The following RGS12 variants were observed in gnomAD, a reference collection of about 807,000 sequenced individuals.
RGS12 encodes the protein regulator of G-protein signaling 12.
RGS12 carries 66 observed loss-of-function variants against 120.1 expected under a neutral mutation model. The observed-to-expected ratio is 0.55, with a 90% CI of 0.45 to 0.67. The LOEUF (loss-of-function observed/expected upper bound fraction) is 0.67. Ranked by LOEUF, RGS12 falls within the 30% of genes least tolerant of loss-of-function variation. RGS12 has a pLI of 0.00. For synonymous variants in RGS12, 827 were observed against 804.7 expected, an observed-to-expected ratio of 1.03 and a Z score of -0.47; for missense variants, 1,859 against 1,957.7, an observed-to-expected ratio of 0.95 and a Z score of 0.95.
intron 2 of RGS12, among the ~76,000 whole-genome samples, chr4:3,318,968 A>G (rs1480947171): frequency 2.6e-5 from 4 of 152,178 alleles, no homozygotes; most frequent in Non-Finnish European, 5.9e-5. Flanking sequence ...ACACCTTTTT[A>G]GTGTTTGTTC....
At position 3,386,399 on chromosome 4, in the gene RGS12, T is replaced by C. The variant is rs1470031928; in HGVS notation, c.1999-17T>C. 1.2e-6 allele frequency: 2 copies of C among 1,611,162 alleles called. No individual in the cohort carries two copies. Among genetic ancestry groups the C allele is most frequent in the Admixed American group, 3.3e-5 (2 of 60,020 alleles). On this transcript the variant is annotated splice_polypyrimidine_tract_variant and intron_variant, in intron 3 of 17. Transcript: ENST00000336727. ...ATGAGGCTTAATTAACTCATGTCTCTCTCTCTTTTCTTTCAGTCTGCAACT... is the reference window on the plus strand; with the variant it reads ...ATGAGGCTTAATTAACTCATGTCTCCCTCTCTTTTCTTTCAGTCTGCAACT...
intron 2 of RGS12, among the ~76,000 whole-genome samples, chr4:3,340,773 G>GGTGCAGGCCA (rs1553802011): frequency 2.6e-5 from 4 of 151,732 alleles, no homozygotes; most frequent in Non-Finnish European, 5.9e-5. Context: ...GGTGCAGGCC[G>GGTGCAGGCCA]GTGCAGGCCA....
chr4:3,328,241 G>T (rs1191192148), intron 2 of RGS12, among the ~76,000 whole-genome samples: 1 of 152,182 alleles, frequency 6.6e-6, no homozygotes, highest in Non-Finnish European at 1.5e-5. Flanking sequence ...ACTTGGAAAG[G>T]TGAGGGGTGG....
At chr4:3,327,591 G>T (rs1001938694) in intron 2 of RGS12, among the ~76,000 whole-genome samples, 1 of 152,098 alleles carries the variant, frequency 6.6e-6, no homozygotes, top group Non-Finnish European at 1.5e-5. Flanking sequence ...ACAAAATAAC[G>T]CCATTAAAAA....
intron 17 of RGS12, chr4:3,431,169 G>T: frequency 7.1e-7 from 1 of 1,412,200 alleles, no homozygotes; most frequent in Non-Finnish European, 9.2e-7. Context: ...TCCCCCCGAG[G>T]CGCTCTGGGC....
intron 4 of RGS12, among the ~76,000 whole-genome samples, chr4:3,388,195 AGAGGAGGAGACGGGAGG>A (rs6148279): frequency 0.034 from 5,084 of 149,980 alleles, 287 homozygotes; most frequent in African/African-American, 0.12. Context: ...CCCCAGTCAC[AGAGGAGGAGACGGGAGG>A]GAGGAGGAGA....
rs776099663 is a variant in RGS12 at position 3,316,792 on chromosome 4, G to A, written c.622G>A (p.Val208Ile). 12 of 1,614,180 alleles carry A rather than the reference G, an allele frequency of 7.4e-6. No individual in the cohort carries two copies. Among genetic ancestry groups the A allele is most frequent in the South Asian group, 2.2e-5 (2 of 91,086 alleles). ...ATCAAAAGTTATTCATGATGATTCGGTTTTCAGCATTGGACTAGAAAGTCA... is the reference window on the plus strand; with the variant it reads ...ATCAAAAGTTATTCATGATGATTCGATTTTCAGCATTGGACTAGAAAGTCA... ...EISKVIHDDS[V>I]FSIGLESHDD... The change falls in exon 2 of 18, where the codon GTT becomes ATT. Residue 208 changes from valine to isoleucine, a missense_variant. By Grantham distance (29) the Val-to-Ile change is conservative (BLOSUM62 3). This residue lies in a region of RGS12 where 967 missense variants were observed against 994.2 expected (regional missense o/e 0.97). Transcript: ENST00000336727.
chr4:3,307,143 A>G (rs1335695126), intron 1 of RGS12, among the ~76,000 whole-genome samples: 3 of 152,142 alleles, frequency 2.0e-5, no homozygotes, highest in Non-Finnish European at 2.9e-5. Context: ...TAGGAGCTTT[A>G]TGGGATGTGT....
At chr4:3,432,563 G>T (rs1724419775) in intron 17 of RGS12, among the ~76,000 whole-genome samples, 1 of 152,254 alleles carries the variant, frequency 6.6e-6, no homozygotes, top group Admixed American at 6.5e-5. Flanking sequence ...TGGGGGGTCA[G>T]TTCTCCTGCC....
In RGS12 at chr4:3,414,829, A is replaced by C; in HGVS notation, c.2268A>C (p.Ala756=). 6.2e-7 allele frequency: 1 copy of C among 1,613,214 alleles called. No individual in the cohort carries two copies. The highest frequency in any genetic ancestry group is 1.3e-5 in the African/African-American group (1 of 75,040). Residue 756 remains alanine, a synonymous_variant, in exon 6 of 18, where the codon GCA becomes GCC. Transcript: ENST00000336727. ...GTGAATATTTTAATCATGTTCCTGC[A>C]CATGACAAAAAGGAGGTAAGTCCAC... The part of the protein sequence containing the change: ...QACEYFNHVP[A]HDKKELSYRA...
At chr4:3,388,587 C>A (rs556277587) in intron 4 of RGS12, among the ~76,000 whole-genome samples, 1 of 152,142 alleles carries the variant, frequency 6.6e-6, no homozygotes, top group African/African-American at 2.4e-5. Flanking sequence ...ACCCACCCCC[C>A]AGCCCTGGGC....
At chr4:3,429,224 C>T (rs1015281497) in intron 16 of RGS12, among the ~76,000 whole-genome samples, 13 of 152,238 alleles carry the variant, frequency 8.5e-5, no homozygotes, top group African/African-American at 3.1e-4. Context: ...CCAGGAGAGA[C>T]AACAGGCACA....
At position 3,389,729 on chromosome 4, in the gene RGS12, G is replaced by A. The variant is rs561749362; in HGVS notation, c.2020+3292G>A. Among the ~76,000 whole-genome samples the A allele has an allele frequency of 1.9e-4, 29 of 152,306 alleles. No individual in the cohort carries two copies. Among genetic ancestry groups the A allele is most frequent in the East Asian group, 1.5e-3 (8 of 5,184 alleles). ...TCCCAGAGCGCCCACCTCCTCCTGC[G>A]TACGGCGTCTGTGCCAGCAGGAAAG... On this transcript the variant is annotated intron_variant, in intron 4 of 17. Transcript: ENST00000336727. The surrounding 1 kb of genome is among the most constrained non-coding windows in gnomAD (Gnocchi z 5.2).
Position 3,350,729 on chromosome 4 carries a change from C to T in RGS12, c.1998+7676C>T, listed in dbSNP as rs1249332689. ...ACAAAAAAGATTTATTTAAGTCACACGAACTAAAAAGCATTTGGGTTAATT... is the reference window on the plus strand; with the variant it reads ...ACAAAAAAGATTTATTTAAGTCACATGAACTAAAAAGCATTTGGGTTAATT... On this transcript the variant is annotated intron_variant, in intron 3 of 17. Transcript: ENST00000336727. Among the ~76,000 whole-genome samples the T allele has an allele frequency of 3.3e-5, 5 of 152,090 alleles. No homozygotes were observed. In the South Asian group the frequency reaches 8.3e-4, roughly 25 times the overall value.
chr4:3,423,061 C>G, intron 12 of RGS12, 83 bp downstream of exon 12: 3 of 1,078,302 alleles, frequency 2.8e-6, no homozygotes, highest in Admixed American at 3.7e-5. Flanking sequence ...CTGCGCTTAG[C>G]GGGCGGCCTG....
intron 3 of RGS12, chr4:3,369,980 C>T: frequency 2.5e-6 from 3 of 1,201,236 alleles, no homozygotes; most frequent in Non-Finnish European, 3.1e-6. Flanking sequence ...GAAATTACCC[C>T]TGTCGGCCGA....
At chr4:3,295,790 A>T (rs917558357) in intron 1 of RGS12, among the ~76,000 whole-genome samples, 1 of 152,234 alleles carries the variant, frequency 6.6e-6, no homozygotes, top group African/African-American at 2.4e-5. Context: ...CTTCAAGCAC[A>T]CAAAATCCTA....
At chr4:3,379,158 C>T (rs1373249043) in intron 3 of RGS12, among the ~76,000 whole-genome samples, 1 of 152,116 alleles carries the variant, frequency 6.6e-6, no homozygotes, top group Non-Finnish European at 1.5e-5. Flanking sequence ...ACTCTAAAAA[C>T]ATTGAATTCA....
At chr4:3,426,171 GAGGGCGAGT>G (rs2109195571) in intron 14 of RGS12, among the ~76,000 whole-genome samples, 1 of 2,060 alleles carries the variant, frequency 4.9e-4, no homozygotes, top group Admixed American at 3.0e-3. Context: ...GCATAGGGGA[GAGGGCGAGT>G]GGGGCCAGTG....
Sources: gnomAD v4.1 joint callset for allele counts (sites outside exome capture counted in the v4.1 genomes callset) on GRCh38, gnomAD v4.1.1 for gene constraint, gnomAD v4.1.1 regional missense constraint, Gnocchi (gnomAD v3.1) non-coding constraint, MANE v1.5 for transcripts, NCBI Gene and HGNC (gene_info 2026-07-23, HGNC 2026-07-21) for gene names.